The following CHMP4C variants were observed in gnomAD, a reference collection of about 807,000 sequenced individuals.
CHMP4C encodes the protein charged multivesicular body protein 4C.
In CHMP4C, 28 loss-of-function variants were observed where a neutral mutation model predicts 29.0. The ratio of observed to expected loss-of-function variants is 0.97; its 90% confidence interval spans 0.72 to 1.32. The LOEUF is 1.32. Ranked by LOEUF, CHMP4C falls within the 40% of genes most tolerant of loss-of-function variation. The pLI is 0.00. For missense variants in CHMP4C, 291 were observed against 281.0 expected (o/e 1.04, Z -0.25); for synonymous variants, 106 against 102.4 (o/e 1.04, Z -0.21).
chr8:81,738,661 T>C (rs948767960), intron 1 of CHMP4C, among the ~76,000 whole-genome samples: 2 of 152,196 alleles, frequency 1.3e-5, no homozygotes, highest in Admixed American at 1.3e-4. Context: ...AAACTAGTGA[T>C]AGCAAAACCA....
At chr8:81,732,938 G>A in intron 1 of CHMP4C, 122 bp downstream of exon 1, 1 of 870,582 alleles carries the variant, frequency 1.1e-6, no homozygotes, top group Non-Finnish European at 1.8e-6. Context: ...TCTTTTCTAG[G>A]AACTGGTACT....
chr8:81,748,952 T>C (rs1808864017), intron 1 of CHMP4C, among the ~76,000 whole-genome samples: 1 of 150,798 alleles, frequency 6.6e-6, no homozygotes, highest in Non-Finnish European at 1.5e-5. Flanking sequence ...AAATGCAAGC[T>C]TAGTAATTAT....
chr8:81,733,517 T>C (rs1033771934), intron 1 of CHMP4C, among the ~76,000 whole-genome samples: 3 of 151,514 alleles, frequency 2.0e-5, no homozygotes, highest in Non-Finnish European at 4.4e-5. Flanking sequence ...TGTTCGGCAG[T>C]TGAAGTCTTA....
intron 1 of CHMP4C, among the ~76,000 whole-genome samples, chr8:81,744,515 A>G (rs1265363188): frequency 6.6e-6 from 1 of 152,190 alleles, no homozygotes; most frequent in Non-Finnish European, 1.5e-5. Flanking sequence ...TCACCGAGTA[A>G]GGCCTGTTGA....
In CHMP4C at chr8:81,755,425, G is replaced by T; in HGVS notation, c.424G>T (p.Ala142Ser). Residue 142 changes from alanine to serine, a missense_variant, in exon 3 of 5, where the codon GCC becomes TCC. Physicochemically the swap from Ala to Ser is moderately conservative, Grantham distance 99. Transcript: ENST00000297265. ...AGAGATCACAGAGCAACAGGATATC[G>T]CCCAAGAAATCTCAGAAGCATTTTC... ...MQEITEQQDIAQEISEAFSQR... is the reference protein window; with the variant it reads ...MQEITEQQDISQEISEAFSQR... The T allele has an allele frequency of 1.2e-6, 2 of 1,612,292 alleles. No individual in the cohort carries two copies. Among genetic ancestry groups the T allele is most frequent in the South Asian group, 1.1e-5 (1 of 90,970 alleles).
At chr8:81,740,644 T>C (rs569987257) in intron 1 of CHMP4C, among the ~76,000 whole-genome samples, 5 of 152,366 alleles carry the variant, frequency 3.3e-5, no homozygotes, top group African/African-American at 1.2e-4. Context: ...TATCATCTTA[T>C]TTCTCCAGCT....
At chr8:81,739,300 T>C (rs1417056987) in intron 1 of CHMP4C, among the ~76,000 whole-genome samples, 1 of 151,024 alleles carries the variant, frequency 6.6e-6, no homozygotes. Context: ...GTTTTCACCC[T>C]GTGTCAGACT....
At position 81,732,718 on chromosome 8, in the gene CHMP4C, A is replaced by C. The variant is rs1808633793; in HGVS notation, c.92A>C (p.Glu31Ala). 1.2e-6 allele frequency: 2 copies of C among 1,602,256 alleles called. No individual in the cohort carries two copies. The highest frequency in any genetic ancestry group is 2.3e-5 in the South Asian group (2 of 88,766). ...CAGGAGGCCCTGGTCCGACTTCGGG[A>C]GACTGAGGAGATGCTGGGCAAGAAA... is the stretch of plus-strand genomic sequence containing the variant. ...SPQEALVRLR[E>A]TEEMLGKKQE... is the part of the protein sequence containing the mutation. The change falls in exon 1 of 5, where the codon GAG becomes GCG. Residue 31 changes from glutamate to alanine, a missense_variant. Glu to Ala is a moderately radical substitution (Grantham distance 107). Transcript: ENST00000297265.
Position 81,753,084 on chromosome 8 carries a change from A to T in CHMP4C, c.211A>T (p.Arg71Ter), listed in dbSNP as rs1215596142. The change falls in exon 2 of 5, where the codon AGA (arginine) becomes TGA (stop). Residue 71 changes from arginine to a stop codon, truncating the protein, a stop_gained. Coordinates refer to ENST00000297265, the MANE Select transcript of CHMP4C (RefSeq NM_152284.4). LOFTEE classifies it high-confidence loss of function. ...TTTAGCTGCATTACAGGCACTAAAG[A>T]GAAAGAAGAGGTTCGAGAAACAGCT... ...NKRAALQALKRKKRFEKQLTQ... is the reference protein window; with the variant it reads ...NKRAALQALK 1 of 1,610,640 alleles carries T rather than the reference A, an allele frequency of 6.2e-7. No homozygotes were observed.
intron 1 of CHMP4C, among the ~76,000 whole-genome samples, chr8:81,738,890 T>C (rs1808725341): frequency 6.6e-6 from 1 of 152,232 alleles, no homozygotes; most frequent in Admixed American, 6.5e-5. Flanking sequence ...ATTTGGACTT[T>C]GAACAAGTAA....
At chr8:81,748,657 G>T (rs932415475) in intron 1 of CHMP4C, among the ~76,000 whole-genome samples, 37 of 152,022 alleles carry the variant, frequency 2.4e-4, no homozygotes, top group Admixed American at 2.0e-4. Context: ...CAAGCTTAGG[G>T]CTGGGTGTGA....
chr8:81,744,945 C>T (rs1585943501), intron 1 of CHMP4C, among the ~76,000 whole-genome samples: 2 of 152,304 alleles, frequency 1.3e-5, no homozygotes, highest in Middle Eastern at 6.8e-3. Context: ...ATGCCTCTGG[C>T]CAAATGCGTG....
At chr8:81,736,085 C>CAATA (rs55869119) in intron 1 of CHMP4C, among the ~76,000 whole-genome samples, 44 of 135,902 alleles carry the variant, frequency 3.2e-4, no homozygotes, top group East Asian at 4.4e-4. Context: ...GACTATGTCT[C>CAATA]AATAAATAAA....
chr8:81,738,580 C>T (rs1808722878), intron 1 of CHMP4C, among the ~76,000 whole-genome samples: 1 of 152,174 alleles, frequency 6.6e-6, no homozygotes, highest in Non-Finnish European at 1.5e-5. Context: ...TCATAGAGCT[C>T]AATTCTGCAG....
intron 1 of CHMP4C, among the ~76,000 whole-genome samples, chr8:81,736,042 C>T (rs538852415): frequency 1.3e-5 from 2 of 151,150 alleles, no homozygotes; most frequent in South Asian, 4.2e-4. Flanking sequence ...GCAGAGATCG[C>T]GCCATTGCAC....
rs768556879 is a variant in CHMP4C at position 81,753,113 on chromosome 8, T to C, written c.240T>C (p.Thr80=). 1 of 1,612,636 alleles carries C rather than the reference T, an allele frequency of 6.2e-7. No homozygotes were observed. Among genetic ancestry groups the C allele is most frequent in the African/African-American group, 1.3e-5 (1 of 74,848 alleles). The change falls in exon 2 of 5, where the codon ACT becomes ACC. Residue 80 remains threonine, a synonymous_variant. Coordinates refer to ENST00000297265, the MANE Select transcript of CHMP4C (RefSeq NM_152284.4). The part of the protein sequence containing the change: ...KRKKRFEKQL[T]QIDGTLSTIE... ...AGAAGAGGTTCGAGAAACAGCTCACTCAGATTGATGGCACACTTTCTACCA... is the reference window on the plus strand; with the variant it reads ...AGAAGAGGTTCGAGAAACAGCTCACCCAGATTGATGGCACACTTTCTACCA...
chr8:81,733,368 C>G (rs570419342), intron 1 of CHMP4C, among the ~76,000 whole-genome samples: 1 of 152,004 alleles, frequency 6.6e-6, no homozygotes, highest in Non-Finnish European at 1.5e-5. Context: ...TTGCTGACTC[C>G]AACACTAACC....
intron 1 of CHMP4C, among the ~76,000 whole-genome samples, chr8:81,740,358 G>A (rs777581593): frequency 2.0e-5 from 3 of 152,150 alleles, no homozygotes; most frequent in African/African-American, 7.2e-5. Context: ...CATAAGAAGT[G>A]CACAACCTAG....
intron 1 of CHMP4C, among the ~76,000 whole-genome samples, chr8:81,739,132 C>G (rs549944157): frequency 8.3e-6 from 1 of 120,696 alleles, no homozygotes; most frequent in Non-Finnish European, 1.6e-5. Flanking sequence ...GAGTCTTGCT[C>G]TATCACCAGG....
Sources: gnomAD v4.1 joint callset for allele counts (sites outside exome capture counted in the v4.1 genomes callset) on GRCh38, gnomAD v4.1.1 for gene constraint, MANE v1.5 for transcripts, NCBI Gene and HGNC (gene_info 2026-07-23, HGNC 2026-07-21) for gene names.